The following MAPKAP1 variants were observed in gnomAD, a reference collection of about 807,000 sequenced individuals.
MAPKAP1 encodes the protein MAPK associated protein 1, also known as target of rapamycin complex 2 subunit MAPKAP1.
MAPKAP1 carries 20 observed loss-of-function variants against 65.7 expected under a neutral mutation model. The observed-to-expected ratio is 0.30, with a 90% CI of 0.21 to 0.44. MAPKAP1 has a LOEUF of 0.44. Among genes scored for constraint, MAPKAP1 ranks in the 20% least tolerant of loss-of-function variants. MAPKAP1 has a pLI of 1.00. For synonymous variants in MAPKAP1, 222 were observed against 244.3 expected (o/e 0.91, Z 0.85); for missense variants, 423 against 648.0 (o/e 0.65, Z 3.77).
At chr9:125,703,298 T>G (rs10441757) in intron 1 of MAPKAP1, among the ~76,000 whole-genome samples, 2 of 152,238 alleles carry the variant, frequency 1.3e-5, no homozygotes, top group Admixed American at 6.5e-5. Flanking sequence ...ATTTGTTTAC[T>G]CTTTTTTGGC....
intron 9 of MAPKAP1, among the ~76,000 whole-genome samples, chr9:125,479,841 T>C: frequency 6.6e-6 from 1 of 152,214 alleles, no homozygotes; most frequent in East Asian, 1.9e-4. Flanking sequence ...GCCACACACT[T>C]ACTTTCCACT....
At chr9:125,693,702 T>TATATACACACAC (rs1564620268) in intron 1 of MAPKAP1, among the ~76,000 whole-genome samples, 1,054 of 101,418 alleles carry the variant, frequency 0.01, 17 homozygotes, top group Middle Eastern at 0.048. Flanking sequence ...TATACACGTA[T>TATATACACACAC]ATATACACAT....
chr9:125,622,783 A>G (rs1331406356), intron 4 of MAPKAP1, among the ~76,000 whole-genome samples: 1 of 141,558 alleles, frequency 7.1e-6, no homozygotes, highest in Non-Finnish European at 1.5e-5. Flanking sequence ...AAAATTAAAA[A>G]GCAAGGGAGA....
At chr9:125,693,756 T>C (rs1454143319) in intron 1 of MAPKAP1, among the ~76,000 whole-genome samples, 2 of 148,302 alleles carry the variant, frequency 1.3e-5, no homozygotes, top group African/African-American at 5.1e-5. Flanking sequence ...TATACACATA[T>C]ATACACGTAT....
intron 4 of MAPKAP1, among the ~76,000 whole-genome samples, chr9:125,586,453 G>A (rs1429421277): frequency 6.6e-6 from 1 of 151,724 alleles, no homozygotes; most frequent in Non-Finnish European, 1.5e-5. Context: ...CACTGAACCT[G>A]CTGTTGAGGA....
At chr9:125,529,521 GA>G (rs1200000599) in intron 7 of MAPKAP1, among the ~76,000 whole-genome samples, 269 of 148,372 alleles carry the variant, frequency 1.8e-3, no homozygotes, top group Middle Eastern at 7.0e-3. Flanking sequence ...AAAAAGAAAA[GA>G]AAAAAAAAGG....
At chr9:125,702,869 A>C (rs906128478) in intron 1 of MAPKAP1, among the ~76,000 whole-genome samples, 1 of 151,976 alleles carries the variant, frequency 6.6e-6, no homozygotes, top group Non-Finnish European at 1.5e-5. Context: ...AGAAAAAAAA[A>C]AAAAACTAGC....
At chr9:125,471,609 T>G (rs1853928093) in intron 9 of MAPKAP1, 1 of 152,216 alleles carries the variant, frequency 6.6e-6, no homozygotes, top group Admixed American at 6.5e-5. Context: ...GTACCCCACT[T>G]GTCACTGCCA....
intron 6 of MAPKAP1, among the ~76,000 whole-genome samples, chr9:125,550,129 T>C (rs1830543149): frequency 1.3e-5 from 2 of 152,194 alleles, no homozygotes; most frequent in African/African-American, 4.8e-5. Context: ...CTGCATAACA[T>C]CTGAGAATGT....
chr9:125,551,624 A>G (rs1288360611), intron 6 of MAPKAP1, among the ~76,000 whole-genome samples: 1 of 151,694 alleles, frequency 6.6e-6, no homozygotes, highest in Non-Finnish European at 1.5e-5. Flanking sequence ...ACCTAAGGAG[A>G]TTCTGACCAT....
At position 125,671,400 on chromosome 9, in the gene MAPKAP1, T is replaced by C. The variant is rs576852768; in HGVS notation, c.259+916A>G. On this transcript the variant is annotated intron_variant, in intron 2 of 11. Transcript: ENST00000265960. ...AATATTCCTTTATGTGTGTTTTACATTTGGACCATGAAAATAAATATGTAA... is the reference window on the plus strand; with the variant it reads ...AATATTCCTTTATGTGTGTTTTACACTTGGACCATGAAAATAAATATGTAA... Among the ~76,000 whole-genome samples, 4 of 152,352 alleles carry C rather than the reference T, an allele frequency of 2.6e-5. No individual in the cohort carries two copies. In the East Asian group the frequency reaches 7.7e-4, roughly 29 times the overall value.
chr9:125,610,992 T>C (rs1032130305), intron 4 of MAPKAP1, among the ~76,000 whole-genome samples: 20 of 152,080 alleles, frequency 1.3e-4, no homozygotes, highest in Non-Finnish European at 2.5e-4. Flanking sequence ...ATAAAATAAA[T>C]GTGTAAGCAA....
At chr9:125,518,371 TATTACATCTGTAATCCCAC>T (rs200369799) in intron 7 of MAPKAP1, among the ~76,000 whole-genome samples, 1,591 of 148,868 alleles carry the variant, frequency 0.011, 26 homozygotes, top group East Asian at 0.084. Flanking sequence ...TGTAATCCCA[TATTACATCTGTAATCCCAC>T]ATTACATCTG....
At chr9:125,658,892 A>G (rs1334128364) in intron 3 of MAPKAP1, among the ~76,000 whole-genome samples, 1 of 152,182 alleles carries the variant, frequency 6.6e-6, no homozygotes, top group Non-Finnish European at 1.5e-5. Context: ...CCACTTTAGC[A>G]TAGTCAAATT....
chr9:125,621,464 C>G (rs904118721), intron 4 of MAPKAP1, among the ~76,000 whole-genome samples: 1 of 152,068 alleles, frequency 6.6e-6, no homozygotes, highest in African/African-American at 2.4e-5. Flanking sequence ...AGCAATACTA[C>G]CTATCTCAGA....
At chr9:125,581,752 CT>C (rs1831633607) in intron 5 of MAPKAP1, among the ~76,000 whole-genome samples, 1 of 151,838 alleles carries the variant, frequency 6.6e-6, no homozygotes, top group South Asian at 2.1e-4. Context: ...TTACATTTAA[CT>C]TGTGATTTAT....
At chr9:125,687,151 T>C (rs1835008580) in intron 1 of MAPKAP1, among the ~76,000 whole-genome samples, 1 of 150,730 alleles carries the variant, frequency 6.6e-6, no homozygotes, top group South Asian at 2.1e-4. Flanking sequence ...TTAATGCTAG[T>C]ATATAAACTG....
At chr9:125,556,965 T>C (rs572379656) in intron 6 of MAPKAP1, among the ~76,000 whole-genome samples, 22 of 152,342 alleles carry the variant, frequency 1.4e-4, no homozygotes, top group African/African-American at 5.3e-4. Flanking sequence ...GATTTCACTT[T>C]ACCTCGTGTT....
At chr9:125,478,337 A>G (rs1218332076) in intron 9 of MAPKAP1, among the ~76,000 whole-genome samples, 1 of 152,116 alleles carries the variant, frequency 6.6e-6, no homozygotes, top group Non-Finnish European at 1.5e-5. Context: ...CTTTATATAT[A>G]TAAATTTAGA....
Sources: allele counts gnomAD v4.1 joint callset (sites outside exome capture counted in the v4.1 genomes callset), GRCh38; gene constraint gnomAD v4.1.1; transcripts MANE v1.5; gene names NCBI Gene and HGNC (gene_info 2026-07-23, HGNC 2026-07-21).